The following PPCDC variants were observed in gnomAD, a reference collection of about 807,000 sequenced individuals.
PPCDC encodes the protein phosphopantothenoylcysteine decarboxylase.
In PPCDC, 20 loss-of-function variants were observed where a neutral mutation model predicts 20.7. The ratio of observed to expected loss-of-function variants is 0.97; its 90% CI spans 0.68 to 1.41. The LOEUF is 1.41. Among genes scored for constraint, PPCDC ranks in the 40% most tolerant of loss-of-function variants. PPCDC has a pLI of 0.00. For synonymous variants in PPCDC, 88 were observed against 100.3 expected, an observed-to-expected ratio of 0.88 and a Z score of 0.73; for missense variants, 246 against 263.8, an observed-to-expected ratio of 0.93 and a Z score of 0.47.
At chr15:75,031,330 C>T (rs2066018679) in intron 2 of PPCDC, among the ~76,000 whole-genome samples, 1 of 152,182 alleles carries the variant, frequency 6.6e-6, no homozygotes, top group Non-Finnish European at 1.5e-5. Context: ...CAGGCAGTTT[C>T]TTCCCTGGGG....
At chr15:75,043,928 T>G (rs1287339784) in intron 3 of PPCDC, among the ~76,000 whole-genome samples, 1 of 152,160 alleles carries the variant, frequency 6.6e-6, no homozygotes, top group African/African-American at 2.4e-5. Flanking sequence ...GGGTGGGCAC[T>G]GGCTGATTCA....
At chr15:75,044,283 G>GCCAACC in intron 3 of PPCDC, 103 bp from the exon 4 acceptor site, 1 of 1,515,584 alleles carries the variant, frequency 6.6e-7, no homozygotes. Flanking sequence ...CCTGGGCAGG[G>GCCAACC]CAGGTCAGTG....
At chr15:75,039,236 CATATCT>C (rs1282527556) in intron 2 of PPCDC, among the ~76,000 whole-genome samples, 1 of 152,184 alleles carries the variant, frequency 6.6e-6, no homozygotes, top group Non-Finnish European at 1.5e-5. Flanking sequence ...CTCTGAATTC[CATATCT>C]GAAGGTTTCC....
At chr15:75,028,080 T>C in intron 1 of PPCDC, 167 bp from the exon 2 acceptor site, 1 of 519,930 alleles carries the variant, frequency 1.9e-6, no homozygotes, top group Non-Finnish European at 3.4e-6. Context: ...GACTGGCCCA[T>C]GTGTGGGGAA....
chr15:75,049,283 G>C lies in PPCDC; in HGVS notation c.*48G>C. ...TCCCTCTGTACTCAGAATGGGTTCA[G>C]GCCAAGTCGGTGAAGATGGATGTTG... On this transcript the variant is annotated 3_prime_UTR_variant, in exon 6 of 6. Transcript: ENST00000342932. 1 of 1,567,632 alleles carries C rather than the reference G, an allele frequency of 6.4e-7. No individual in the cohort carries two copies. The highest frequency in any genetic ancestry group is 1.1e-5 in the South Asian group (1 of 89,730).
Position 75,044,425 on chromosome 15 carries a change from C to T in PPCDC, c.271C>T (p.Leu91=), listed in dbSNP as rs772964563. The change falls in exon 4 of 6, where the codon CTG becomes TTG. Residue 91 remains leucine (L), a synonymous_variant. Coordinates refer to ENST00000342932, the MANE Select transcript of PPCDC (RefSeq NM_021823.5). ...SRSDPVLHID[L]RRWADLLLVA... ...CTCTGACCCAGTTCTGCACATTGAC[C>T]TGCGGAGGTGGGCAGACCTCCTGCT... 3.4e-5 allele frequency: 55 copies of T among 1,614,046 alleles called. No homozygotes were observed. Among genetic ancestry groups the T allele is most frequent in the Non-Finnish European group, 4.3e-5 (51 of 1,179,980 alleles).
chr15:75,048,747 C>T (rs1386949568), intron 5 of PPCDC, 26 bp downstream of exon 5: 2 of 1,610,382 alleles, frequency 1.2e-6, no homozygotes, highest in Non-Finnish European at 1.7e-6. Context: ...GGCTTATAGC[C>T]CAGGGCTGTA....
intron 4 of PPCDC, among the ~76,000 whole-genome samples, chr15:75,045,727 G>A (rs1020005930): frequency 1.3e-5 from 2 of 152,056 alleles, no homozygotes; most frequent in African/African-American, 4.8e-5. Flanking sequence ...AGAAGAGAGA[G>A]CCTGGGTGCA....
rs137939638 is a variant in PPCDC, at chr15:75,032,294, G to A, written c.135+3841G>A. 3.5e-4 allele frequency among the ~76,000 whole-genome samples: 54 copies of A among 152,276 alleles called. No individual in the cohort carries two copies. In the East Asian group the frequency reaches 0.01, roughly 28 times the overall value. On this transcript the variant is annotated intron_variant, in intron 2 of 5. Transcript: ENST00000342932. ...CCAACTCAAGGAGTCAGCAGGCCTC[G>A]GGCTCAGAGAAGGATACATTTCTAG... is the stretch of plus-strand genomic sequence containing the variant.
chr15:75,043,231 A>G, intron 2 of PPCDC: 1 of 502,558 alleles, frequency 2.0e-6, no homozygotes, highest in South Asian at 2.7e-5. Context: ...TAGGGAAGTG[A>G]AACAGCCACA....
chr15:75,039,706 T>C (rs1315849615), intron 2 of PPCDC, among the ~76,000 whole-genome samples: 1 of 152,244 alleles, frequency 6.6e-6, no homozygotes, highest in East Asian at 1.9e-4. Flanking sequence ...CGCTTCCATC[T>C]TCTGAAAGCG....
intron 4 of PPCDC, among the ~76,000 whole-genome samples, chr15:75,046,897 C>G (rs1332809493): frequency 1.3e-5 from 2 of 152,284 alleles, no homozygotes; most frequent in Non-Finnish European, 1.5e-5. Flanking sequence ...CTAGAAAGAG[C>G]AGACAATCTC....
At chr15:75,041,081 T>C (rs1026380371) in intron 2 of PPCDC, among the ~76,000 whole-genome samples, 1 of 152,244 alleles carries the variant, frequency 6.6e-6, no homozygotes, top group East Asian at 1.9e-4. Flanking sequence ...ATTCTTCTTA[T>C]GGTTACCATA....
Position 75,049,346 on chromosome 15 carries a change from ACCTGCTCTGAGCCTGCCCAGGGGCCAGG to A in PPCDC, c.*119_*146del. ...GATACCCTCATTTGCTGAATGGGGG[ACCTGCTCTGAGCCTGCCCAGGGGCCAGG>A]CCTGCTCCAGGTTAAACTGGACGGA... is the stretch of plus-strand genomic sequence containing the variant. On this transcript the variant is annotated 3_prime_UTR_variant, in exon 6 of 6. Transcript: ENST00000342932. 1 of 1,031,148 alleles carries A rather than the reference ACCTGCTCTGAGCCTGCCCAGGGGCCAGG, an allele frequency of 9.7e-7. No homozygotes were observed. The highest frequency in any genetic ancestry group is 2.1e-5 in the Admixed American group (1 of 48,458). The allele number at this position is 1,031,148 out of a possible 1,614,324, so 63.9% of individuals were successfully genotyped here.
chr15:75,047,047 G>A (rs1471941116), intron 4 of PPCDC, among the ~76,000 whole-genome samples: 3 of 152,244 alleles, frequency 2.0e-5, no homozygotes, highest in Admixed American at 2.0e-4. Flanking sequence ...GGGAACCGAG[G>A]CTCTCTTCTC....
At chr15:75,044,256 G>A in intron 3 of PPCDC, 130 bp from the exon 4 acceptor site, 2 of 1,321,056 alleles carry the variant, frequency 1.5e-6, no homozygotes, top group Non-Finnish European at 2.1e-6. Context: ...TTAGCTGCAG[G>A]AGGGAACGGA....
chr15:75,048,072 C>T (rs765272872), intron 4 of PPCDC, among the ~76,000 whole-genome samples: 1 of 152,140 alleles, frequency 6.6e-6, no homozygotes, highest in Admixed American at 6.5e-5. Context: ...TATAAGGTCT[C>T]AGTGAGGGTT....
intron 4 of PPCDC, among the ~76,000 whole-genome samples, chr15:75,047,978 GC>G (rs2066260066): frequency 6.6e-6 from 1 of 152,228 alleles, no homozygotes; most frequent in Admixed American, 6.5e-5. Flanking sequence ...CCTGGGTGGT[GC>G]CCATTGTCCG....
chr15:75,031,819 T>A (rs1330714779), intron 2 of PPCDC, among the ~76,000 whole-genome samples: 1 of 151,986 alleles, frequency 6.6e-6, no homozygotes, highest in Non-Finnish European at 1.5e-5. Context: ...GGCTGAAGCC[T>A]GTATAGCAGC....
Sources: gnomAD v4.1 joint callset for allele counts (sites outside exome capture counted in the v4.1 genomes callset) on GRCh38, gnomAD v4.1.1 for gene constraint, MANE v1.5 for transcripts, NCBI Gene and HGNC (gene_info 2026-07-23, HGNC 2026-07-21) for gene names.